Variants in DDHD1 observed in about 807,000 individuals in gnomAD.
The protein encoded by DDHD1 is DDHD domain containing 1, also known as phospholipase DDHD1.
A neutral mutation model predicts 96.4 loss-of-function variants in DDHD1; 49 were observed. The observed-to-expected ratio is 0.51, with a 90% CI of 0.40 to 0.64. The LOEUF (loss-of-function observed/expected upper bound fraction) is 0.64. Ranked by LOEUF, DDHD1 falls within the 30% of genes least tolerant of loss-of-function variation. The pLI is 0.00. For synonymous variants in DDHD1, 442 were observed against 446.5 expected (o/e 0.99, Z 0.13); for missense variants, 1,106 against 1,161.2 (o/e 0.95, Z 0.69).
At chr14:53,133,086 C>T (rs1889991382) in intron 1 of DDHD1, among the ~76,000 whole-genome samples, 1 of 152,204 alleles carries the variant, frequency 6.6e-6, no homozygotes, top group Non-Finnish European at 1.5e-5. Flanking sequence ...TCTCTTAGAA[C>T]CTCTCATTTC....
chr14:53,123,198 G>A (rs1339534531), intron 1 of DDHD1, among the ~76,000 whole-genome samples: 1 of 150,934 alleles, frequency 6.6e-6, no homozygotes, highest in Non-Finnish European at 1.5e-5. Flanking sequence ...CCAGGCTGGA[G>A]TGCAGTGGTG....
chr14:53,098,151 C>CT (rs1887027624), intron 2 of DDHD1, among the ~76,000 whole-genome samples: 1 of 151,862 alleles, frequency 6.6e-6, no homozygotes, highest in Admixed American at 6.6e-5. Context: ...ATTTAATTTT[C>CT]TTTTTTTAAA....
At chr14:53,117,766 TA>T (rs1478722642) in intron 1 of DDHD1, among the ~76,000 whole-genome samples, 3 of 152,138 alleles carry the variant, frequency 2.0e-5, no homozygotes, top group Non-Finnish European at 2.9e-5. Context: ...TCTGCAGACT[TA>T]AACATCCCTG....
At chr14:53,058,711 A>G in intron 8 of DDHD1, 85 bp from the exon 9 acceptor site, 2 of 1,138,118 alleles carry the variant, frequency 1.8e-6, no homozygotes, top group Non-Finnish European at 2.5e-6. Context: ...ATATATGGCA[A>G]AATACAAATA....
intron 6 of DDHD1, among the ~76,000 whole-genome samples, chr14:53,063,572 A>G (rs891346671): frequency 6.6e-6 from 1 of 151,950 alleles, no homozygotes; most frequent in Admixed American, 6.6e-5. Context: ...ACTTACCCAC[A>G]TGCAATTCTA....
chr14:53,115,584 A>G (rs1448468486), intron 1 of DDHD1, among the ~76,000 whole-genome samples: 1 of 152,202 alleles, frequency 6.6e-6, no homozygotes, highest in East Asian at 1.9e-4. Flanking sequence ...AACATTCTTA[A>G]GGAAAAGAAT....
chr14:53,100,602 C>G (rs1274729449), intron 2 of DDHD1, among the ~76,000 whole-genome samples: 1 of 152,058 alleles, frequency 6.6e-6, no homozygotes, highest in South Asian at 2.1e-4. Flanking sequence ...ACCAATCCCC[C>G]ACAAATACCA....
chr14:53,149,305 C>T (rs1035002199), intron 1 of DDHD1, among the ~76,000 whole-genome samples: 3 of 152,210 alleles, frequency 2.0e-5, no homozygotes, highest in African/African-American at 7.2e-5. Flanking sequence ...CCAATGGATT[C>T]ATACCACCAT....
At chr14:53,090,237 A>C (rs889450493) in intron 4 of DDHD1, among the ~76,000 whole-genome samples, 1 of 152,200 alleles carries the variant, frequency 6.6e-6, no homozygotes, top group East Asian at 1.9e-4. Flanking sequence ...GGTGCTGGAG[A>C]GGATGTGGAG....
chr14:53,069,948 A>G (rs1884371333), intron 6 of DDHD1, among the ~76,000 whole-genome samples: 1 of 152,166 alleles, frequency 6.6e-6, no homozygotes, highest in Admixed American at 6.5e-5. Context: ...CCCCCCATTT[A>G]TCATAGCCAT....
intron 1 of DDHD1, among the ~76,000 whole-genome samples, chr14:53,132,206 C>T (rs953312639): frequency 6.6e-6 from 1 of 152,104 alleles, no homozygotes; most frequent in African/African-American, 2.4e-5. Flanking sequence ...AGCCAAAGCG[C>T]AGGGCTGTGT....
chr14:53,053,130 A>T (rs1436026134), intron 11 of DDHD1: 1 of 152,044 alleles, frequency 6.6e-6, no homozygotes, highest in Admixed American at 6.6e-5. Context: ...TTGCACATTA[A>T]TGACATTACA....
chr14:53,099,936 G>T (rs1386520401), intron 2 of DDHD1, among the ~76,000 whole-genome samples: 4 of 151,550 alleles, frequency 2.6e-5, no homozygotes, highest in Non-Finnish European at 2.9e-5. Context: ...AAATTTTCAT[G>T]TTTTTTTTAA....
At chr14:53,116,100 T>C (rs1888523146) in intron 1 of DDHD1, among the ~76,000 whole-genome samples, 1 of 152,018 alleles carries the variant, frequency 6.6e-6, no homozygotes, top group Non-Finnish European at 1.5e-5. Context: ...AAACAGACTT[T>C]ACCAACAAGG....
At chr14:53,119,422 G>A (rs1888813512) in intron 1 of DDHD1, among the ~76,000 whole-genome samples, 1 of 152,204 alleles carries the variant, frequency 6.6e-6, no homozygotes, top group Admixed American at 6.5e-5. Context: ...TCAATCAATA[G>A]AGAAAGAAAG....
At chr14:53,076,901 C>G (rs1159826156) in intron 4 of DDHD1, among the ~76,000 whole-genome samples, 1 of 152,190 alleles carries the variant, frequency 6.6e-6, no homozygotes, top group African/African-American at 2.4e-5. Context: ...ATTATGCTAT[C>G]ACATACTTGT....
intron 1 of DDHD1, 146 bp downstream of exon 1, chr14:53,152,115 T>TAA: frequency 3.8e-6 from 3 of 789,716 alleles, no homozygotes; most frequent in East Asian, 3.0e-5. Flanking sequence ...CTGCCGACGC[T>TAA]CCCTGCTCAA....
intron 1 of DDHD1, among the ~76,000 whole-genome samples, chr14:53,122,494 C>G (rs1489044086): frequency 2.0e-5 from 3 of 152,132 alleles, no homozygotes; most frequent in Non-Finnish European, 4.4e-5. Flanking sequence ...TATCTCAGTT[C>G]CACAGATAGT....
chr14:53,115,302 T>C (rs765346684), intron 1 of DDHD1, among the ~76,000 whole-genome samples: 1 of 152,108 alleles, frequency 6.6e-6, no homozygotes, highest in Non-Finnish European at 1.5e-5. Flanking sequence ...GAAAACACAC[T>C]TCAGGACATT....
Sources: gnomAD v4.1 joint callset for allele counts (sites outside exome capture counted in the v4.1 genomes callset) on GRCh38, gnomAD v4.1.1 for gene constraint, MANE v1.5 for transcripts, NCBI Gene and HGNC (gene_info 2026-07-23, HGNC 2026-07-21) for gene names.